GARNL3: variants seen among roughly 807,000 people sequenced by gnomAD.
The protein encoded by GARNL3 is GTPase-activating Rap/Ran-GAP domain-like protein 3.
GARNL3 carries 63 observed loss-of-function variants against 125.0 expected under a neutral mutation model. The ratio of observed to expected loss-of-function variants is 0.50; its 90% CI spans 0.41 to 0.62. The LOEUF is 0.62. Ranked by LOEUF, GARNL3 falls within the 20% of genes least tolerant of loss-of-function variation. The probability of loss-of-function intolerance (pLI) is 0.00; values close to 1 mark genes in which losing one functional copy is unlikely to be tolerated. For missense variants in GARNL3, 994 were observed against 1,244.0 expected (o/e 0.80, Z 3.02); for synonymous variants, 439 against 457.5 (o/e 0.96, Z 0.52).
intron 1 of GARNL3, among the ~76,000 whole-genome samples, chr9:127,232,504 T>A (rs1049766154): frequency 1.3e-5 from 2 of 152,122 alleles, no homozygotes; most frequent in African/African-American, 4.8e-5. Flanking sequence ...AGATGAGGTC[T>A]TCCTGTGTTG....
At chr9:127,356,989 G>A (rs76905317) in intron 20 of GARNL3, among the ~76,000 whole-genome samples, 2,019 of 152,308 alleles carry the variant, frequency 0.013, 46 homozygotes, top group African/African-American at 0.045. Context: ...TCCTGGCCTC[G>A]ACCCTTTCCA....
intron 1 of GARNL3, among the ~76,000 whole-genome samples, chr9:127,271,189 C>T (rs2063816278): frequency 6.7e-6 from 1 of 150,320 alleles, no homozygotes; most frequent in East Asian, 1.9e-4. Context: ...AAACTAAAAG[C>T]ACTTAGTGAA....
intron 8 of GARNL3, 84 bp from the exon 9 acceptor site, chr9:127,332,939 A>C (rs1312444344): frequency 3.2e-6 from 3 of 944,994 alleles, no homozygotes; most frequent in Non-Finnish European, 5.2e-6. Context: ...AGCCCAGTTA[A>C]TTTTCCAGCG....
intron 1 of GARNL3, among the ~76,000 whole-genome samples, chr9:127,234,872 G>A (rs760529038): frequency 1.3e-5 from 2 of 152,118 alleles, no homozygotes; most frequent in Non-Finnish European, 2.9e-5. Context: ...CTGAGCCCTC[G>A]TGTCCTAATC....
intron 9 of GARNL3, among the ~76,000 whole-genome samples, chr9:127,333,460 A>G (rs576769074): frequency 5.6e-4 from 86 of 152,360 alleles, no homozygotes; most frequent in Admixed American, 2.0e-3. Flanking sequence ...CCTGCAGTCC[A>G]GGGGACATCC....
At chr9:127,350,366 G>C (rs530508773) in intron 17 of GARNL3, among the ~76,000 whole-genome samples, 1 of 152,312 alleles carries the variant, frequency 6.6e-6, no homozygotes, top group Admixed American at 6.5e-5. Context: ...GGAGGGGATT[G>C]TAGGGGCTAA....
intron 1 of GARNL3, among the ~76,000 whole-genome samples, chr9:127,237,323 G>A (rs905461917): frequency 6.6e-6 from 1 of 152,198 alleles, no homozygotes; most frequent in Non-Finnish European, 1.5e-5. Flanking sequence ...CTAGAACCAT[G>A]ATACTCTTGT....
chr9:127,239,420 T>C (rs2063166183), intron 1 of GARNL3, among the ~76,000 whole-genome samples: 1 of 152,196 alleles, frequency 6.6e-6, no homozygotes, highest in South Asian at 2.1e-4. Context: ...CGCCAGGTCA[T>C]TTCCCTCACA....
Position 127,339,705 on chromosome 9 carries a change from A to G in GARNL3, c.1089A>G (p.Pro363=), listed in dbSNP as rs753573515. The G allele has an allele frequency of 1.2e-6, 2 of 1,613,832 alleles. No homozygotes were observed. Among genetic ancestry groups the G allele is most frequent in the East Asian group, 2.2e-5 (1 of 44,892 alleles). ...PLFGPPLPTP[P]VFTDHQEFRD... is the part of the protein sequence containing the mutation. ...TTGGCCCTCCCTTGCCAACTCCACC[A>G]GTGTTTACAGACCACCAGGAATTCA... Residue 363 remains proline (P), a synonymous_variant, in exon 13 of 28, where the codon CCA becomes CCG. Coordinates refer to ENST00000373387, the MANE Select transcript of GARNL3 (RefSeq NM_032293.5).
At chr9:127,330,209 T>C (rs554484358) in intron 7 of GARNL3, among the ~76,000 whole-genome samples, 2 of 152,224 alleles carry the variant, frequency 1.3e-5, no homozygotes, top group Non-Finnish European at 2.9e-5. Flanking sequence ...TGCACTATTA[T>C]TCTAAGAGGA....
intron 1 of GARNL3, among the ~76,000 whole-genome samples, chr9:127,265,693 A>G (rs2063689271): frequency 6.6e-6 from 1 of 152,212 alleles, no homozygotes; most frequent in Admixed American, 6.5e-5. Flanking sequence ...AATCTGAACA[A>G]ATTTTCAGAA....
At chr9:127,278,904 G>A (rs1418644190) in intron 1 of GARNL3, among the ~76,000 whole-genome samples, 2 of 152,082 alleles carry the variant, frequency 1.3e-5, no homozygotes, top group East Asian at 3.8e-4. Flanking sequence ...CCTTCTCTCT[G>A]TGTCTCTGTA....
chr9:127,255,046 C>T (rs767728072), intron 2 of GARNL3, among the ~76,000 whole-genome samples: 6 of 152,164 alleles, frequency 3.9e-5, no homozygotes, highest in African/African-American at 1.2e-4. Context: ...GCATATGCTG[C>T]TCATGAGAGG....
At chr9:127,279,694 G>A (rs959998557) in intron 1 of GARNL3, among the ~76,000 whole-genome samples, 1 of 152,110 alleles carries the variant, frequency 6.6e-6, no homozygotes, top group Non-Finnish European at 1.5e-5. Flanking sequence ...ATGGTTAAAG[G>A]TATGCTTCCC....
chr9:127,322,528 CAA>C (rs1373612207), intron 6 of GARNL3, among the ~76,000 whole-genome samples: 1 of 152,112 alleles, frequency 6.6e-6, no homozygotes, highest in African/African-American at 2.4e-5. Context: ...TTCCCCTTAA[CAA>C]AAGGAACCAT....
At chr9:127,298,587 A>G (rs1588792234) in intron 2 of GARNL3, among the ~76,000 whole-genome samples, 1 of 152,272 alleles carries the variant, frequency 6.6e-6, no homozygotes, top group South Asian at 2.1e-4. Context: ...CTACCATTTT[A>G]TACTTGTAAT....
At chr9:127,325,546 A>G (rs534831611) in intron 7 of GARNL3, among the ~76,000 whole-genome samples, 3 of 152,360 alleles carry the variant, frequency 2.0e-5, no homozygotes, top group East Asian at 3.9e-4. Flanking sequence ...AATATTATCA[A>G]TAGGCAATGG....
intron 27 of GARNL3, among the ~76,000 whole-genome samples, 190 bp downstream of exon 27, chr9:127,390,957 G>A (rs1054052921): frequency 6.6e-6 from 1 of 152,184 alleles, no homozygotes; most frequent in African/African-American, 2.4e-5. Flanking sequence ...AGACAAATGG[G>A]CACACTTACC....
At chr9:127,249,638 G>A (rs933282964) in intron 2 of GARNL3, among the ~76,000 whole-genome samples, 1 of 152,150 alleles carries the variant, frequency 6.6e-6, no homozygotes, top group Admixed American at 6.6e-5. Context: ...AGCATCATTA[G>A]TAATAGAAAA....
Sources: gnomAD v4.1 joint callset for allele counts (sites outside exome capture counted in the v4.1 genomes callset) on GRCh38, gnomAD v4.1.1 for gene constraint, MANE v1.5 for transcripts, NCBI Gene and HGNC (gene_info 2026-07-23, HGNC 2026-07-21) for gene names.